Variants in ESRRG observed in about 807,000 individuals in gnomAD.
ESRRG encodes the protein estrogen-related receptor gamma.
In ESRRG, 13 loss-of-function variants were observed where a neutral mutation model predicts 44.0. The ratio of observed to expected loss-of-function variants is 0.30; its 90% CI spans 0.19 to 0.47. The LOEUF (loss-of-function observed/expected upper bound fraction) is 0.47, where lower values mean the gene tolerates loss of function less well. Ranked by LOEUF, ESRRG falls within the 20% of genes least tolerant of loss-of-function variation. The probability of loss-of-function intolerance (pLI) is 1.00; values close to 1 mark genes in which losing one functional copy is unlikely to be tolerated. For synonymous variants in ESRRG, 215 were observed against 214.6 expected (o/e 1.00, Z -0.02); for missense variants, 395 against 580.6 (o/e 0.68, Z 3.29).
intron 1 of ESRRG, among the ~76,000 whole-genome samples, chr1:217,135,637 A>C (rs1222713113): frequency 3.3e-5 from 5 of 152,130 alleles, no homozygotes; most frequent in African/African-American, 1.2e-4. Flanking sequence ...ACCCACATTC[A>C]CCGACTGCAG....
At chr1:216,803,702 G>A (rs1489007057) in intron 2 of ESRRG, among the ~76,000 whole-genome samples, 2 of 152,012 alleles carry the variant, frequency 1.3e-5, no homozygotes, top group Non-Finnish European at 2.9e-5. Context: ...CTGCAGCTCC[G>A]AGCCCTTCGT....
At chr1:216,772,048 G>A (rs967241124) in intron 2 of ESRRG, among the ~76,000 whole-genome samples, 1 of 151,674 alleles carries the variant, frequency 6.6e-6, no homozygotes, top group Non-Finnish European at 1.5e-5. Flanking sequence ...CTATAAAGGG[G>A]GCAGCTTCAC....
chr1:216,837,552 T>G (rs2148828264), intron 2 of ESRRG, among the ~76,000 whole-genome samples: 1 of 152,234 alleles, frequency 6.6e-6, no homozygotes, highest in African/African-American at 2.4e-5. Context: ...GACTGGCAAA[T>G]TTTGGCTTAA....
chr1:216,564,872 A>C (rs2059407683), intron 4 of ESRRG, among the ~76,000 whole-genome samples: 1 of 152,208 alleles, frequency 6.6e-6, no homozygotes, highest in Non-Finnish European at 1.5e-5. Context: ...ATTCCTTTAA[A>C]GAAGAGCAAA....
At chr1:216,750,760 C>T (rs200088991) in intron 2 of ESRRG, among the ~76,000 whole-genome samples, 2 of 151,072 alleles carry the variant, frequency 1.3e-5, no homozygotes, top group African/African-American at 2.4e-5. Context: ...AGTTATTTAC[C>T]TTTTTTTAAA....
At chr1:217,116,688 T>G (rs993373875) in intron 1 of ESRRG, among the ~76,000 whole-genome samples, 1 of 152,196 alleles carries the variant, frequency 6.6e-6, no homozygotes, top group Non-Finnish European at 1.5e-5. Flanking sequence ...GCTTCCTACT[T>G]ACAAAGACAG....
intron 2 of ESRRG, among the ~76,000 whole-genome samples, chr1:216,825,211 G>C (rs1053911641): frequency 3.9e-5 from 6 of 152,168 alleles, no homozygotes; most frequent in Admixed American, 6.5e-5. Context: ...TGGGCCCAGA[G>C]ACAAGTCCTT....
chr1:216,621,235 T>A (rs1355730338), intron 3 of ESRRG, among the ~76,000 whole-genome samples: 2 of 152,210 alleles, frequency 1.3e-5, no homozygotes, highest in Non-Finnish European at 1.5e-5. Context: ...TATTATCCAA[T>A]TTAAACATTT....
At chr1:217,106,909 A>G (rs1366402600) in intron 1 of ESRRG, among the ~76,000 whole-genome samples, 2 of 152,188 alleles carry the variant, frequency 1.3e-5, no homozygotes, top group Admixed American at 6.5e-5. Flanking sequence ...CTGCGTGTCC[A>G]TGATGATTTA....
chr1:216,953,355 T>C (rs974902148), intron 1 of ESRRG, among the ~76,000 whole-genome samples: 1 of 152,170 alleles, frequency 6.6e-6, no homozygotes, highest in African/African-American at 2.4e-5. Flanking sequence ...CCGCACCTGC[T>C]CTCATTTATG....
At chr1:216,537,682 T>A (rs2051399054) in intron 5 of ESRRG, among the ~76,000 whole-genome samples, 1 of 152,100 alleles carries the variant, frequency 6.6e-6, no homozygotes, top group African/African-American at 2.4e-5. Flanking sequence ...CTGATTTGTA[T>A]TTTGAAAGCT....
intron 3 of ESRRG, among the ~76,000 whole-genome samples, chr1:216,619,624 G>A (rs1420181158): frequency 6.6e-6 from 1 of 152,148 alleles, no homozygotes; most frequent in African/African-American, 2.4e-5. Context: ...AACAGTGACA[G>A]GAGACAAAAG....
chr1:216,517,088 T>C (rs1323844987), intron 6 of ESRRG, among the ~76,000 whole-genome samples: 1 of 152,154 alleles, frequency 6.6e-6, no homozygotes, highest in Non-Finnish European at 1.5e-5. Flanking sequence ...AGGGGCTAAG[T>C]CAATGATGGA....
At chr1:216,554,494 A>G (rs2057113491) in intron 5 of ESRRG, among the ~76,000 whole-genome samples, 1 of 150,888 alleles carries the variant, frequency 6.6e-6, no homozygotes, top group Non-Finnish European at 1.5e-5. Context: ...ATTTGAGCTG[A>G]GTGCAGTGGC....
Position 216,584,749 on chromosome 1 carries a change from G to A in ESRRG, c.590-16651C>T, listed in dbSNP as rs559292105. 2.5e-3 allele frequency among the ~76,000 whole-genome samples: 381 copies of A among 152,194 alleles called. 2 individuals are homozygous for A. The highest frequency in any genetic ancestry group is 8.9e-3 in the African/African-American group (369 of 41,524). On this transcript the variant is annotated intron_variant, in intron 3 of 6. Transcript: ENST00000408911. ...TACTTGCTACTTATAAAATCAAGGCGAATAAGAAAGGTACTAGTAACCTGG... is the reference window on the plus strand; with the variant it reads ...TACTTGCTACTTATAAAATCAAGGCAAATAAGAAAGGTACTAGTAACCTGG...
intron 2 of ESRRG, among the ~76,000 whole-genome samples, chr1:216,908,173 G>A (rs923622441): frequency 3.3e-5 from 5 of 152,124 alleles, no homozygotes; most frequent in African/African-American, 4.8e-5. Context: ...CATCCTTGTC[G>A]GAAGTCACAG....
chr1:216,969,672 G>A (rs1836964), intron 1 of ESRRG, among the ~76,000 whole-genome samples: 2 of 151,804 alleles, frequency 1.3e-5, no homozygotes, highest in Admixed American at 6.6e-5. Context: ...CGCAACCTCC[G>A]CCTCCCTGGT....
Position 216,506,954 on chromosome 1 carries a change from C to T in ESRRG, c.1362G>A (p.Leu454=), listed in dbSNP as rs142101224. ...VPMHKLFLEM[L]EAKV ...GAGCTTTTAGTCAGACCTTGGCCTC[C>T]AACATTTCCAAAAAAAGTTTGTGCA... The change falls in exon 7 of 7, where the codon TTG becomes TTA. Residue 454 remains leucine, a synonymous_variant. Transcript: ENST00000408911. 1.2e-6 allele frequency: 2 copies of T among 1,613,766 alleles called. No individual in the cohort carries two copies. Among genetic ancestry groups the T allele is most frequent in the Non-Finnish European group, 1.7e-6 (2 of 1,179,890 alleles).
chr1:216,752,427 A>G (rs1168537460), intron 2 of ESRRG, among the ~76,000 whole-genome samples: 1 of 152,138 alleles, frequency 6.6e-6, no homozygotes, highest in Admixed American at 6.6e-5. Flanking sequence ...AGAACAAAAA[A>G]TAAAAGTTTT....
Sources: allele counts gnomAD v4.1 joint callset (sites outside exome capture counted in the v4.1 genomes callset), GRCh38; gene constraint gnomAD v4.1.1; transcripts MANE v1.5; gene names NCBI Gene and HGNC (gene_info 2026-07-23, HGNC 2026-07-21).